TENT5B: variants seen among roughly 807,000 people sequenced by gnomAD.
TENT5B encodes terminal nucleotidyltransferase 5B.
Under a neutral mutation model 21.7 loss-of-function variants are expected in TENT5B, and 12 were observed. That is an observed-to-expected ratio of 0.55 (90% CI 0.36 to 0.90). TENT5B has a LOEUF of 0.90. Among genes scored for constraint, TENT5B ranks in the 40% least tolerant of loss-of-function variants. The probability of loss-of-function intolerance (pLI) is 0.01; values close to 1 mark genes in which losing one functional copy is unlikely to be tolerated. For synonymous variants in TENT5B, 262 were observed against 266.6 expected, an observed-to-expected ratio of 0.98 and a Z score of 0.17; for missense variants, 540 against 601.5, an observed-to-expected ratio of 0.90 and a Z score of 1.07.
rs960283231 is a variant in TENT5B at position 27,005,482 on chromosome 1, A to T, written c.*462T>A. 1.3e-5 allele frequency: 2 copies of T among 159,008 alleles called. No individual in the cohort carries two copies. Among genetic ancestry groups the T allele is most frequent in the Non-Finnish European group, 2.8e-5 (2 of 72,614 alleles). The allele number at this position is 159,008 out of a possible 1,614,324, so 9.8% of individuals were successfully genotyped here. On this transcript the variant is annotated 3_prime_UTR_variant, in exon 2 of 2. Transcript: ENST00000289166. ...GCCCTGTAGTGGCCCAGCCTGATCC[A>T]AAGTGACAAGTCCCTGTAACATACC... is the stretch of plus-strand genomic sequence containing the variant.
intron 1 of TENT5B, 112 bp from the exon 2 acceptor site, chr1:27,007,069 G>GT (rs1385766362): frequency 1.4e-5 from 6 of 425,658 alleles, no homozygotes; most frequent in Admixed American, 2.0e-4. Context: ...CTAACCAGCT[G>GT]TTATGCCTTT....
chr1:27,008,099 G>C (rs2082609145), intron 1 of TENT5B, among the ~76,000 whole-genome samples: 1 of 152,196 alleles, frequency 6.6e-6, no homozygotes, highest in South Asian at 2.1e-4. Context: ...TCAGCCTTCA[G>C]ACAGTCCCCA....
chr1:27,011,858 C>A (rs1047192174), intron 1 of TENT5B, among the ~76,000 whole-genome samples: 1 of 152,072 alleles, frequency 6.6e-6, no homozygotes, highest in African/African-American at 2.4e-5. Context: ...GGCCACAACC[C>A]CAGCTGAGAG....
Position 27,006,638 on chromosome 1 carries a change from T to C in TENT5B, c.584A>G (p.Lys195Arg). ...DRWSLISLSN[K>R]SGKNVELKFV... ...CTTGAGCTCCACGTTCTTGCCGCTC[T>C]TGTTGGACAGTGAGATGAGGCTCCA... The change falls in exon 2 of 2, where the codon AAG becomes AGG. Residue 195 changes from lysine to arginine, a missense_variant. Physicochemically the swap from Lys to Arg is conservative, Grantham distance 26. Coordinates refer to ENST00000289166, the MANE Select transcript of TENT5B (RefSeq NM_052943.4). The surrounding 1 kb of genome is among the most constrained non-coding windows in gnomAD (Gnocchi z 9.4). The C allele has an allele frequency of 6.2e-7, 1 of 1,614,180 alleles. No individual in the cohort carries two copies. Among genetic ancestry groups the C allele is most frequent in the South Asian group, 1.1e-5 (1 of 91,090 alleles).
Position 27,012,526 on chromosome 1 carries a change from G to C in TENT5B, c.145C>G (p.Leu49Val). 1 of 1,604,704 alleles carries C rather than the reference G, an allele frequency of 6.2e-7. No homozygotes were observed. Among genetic ancestry groups the C allele is most frequent in the Admixed American group, 1.7e-5 (1 of 59,712 alleles). Residue 49 changes from leucine to valine, a missense_variant, in exon 1 of 2, where the codon CTG becomes GTG. Transcript: ENST00000289166. ...EALSAFPGRH[L>V]SGLSWPQVKR... Reference sequence around the variant, plus strand: ...ACCTGTGGCCAGCTCAGCCCACTCAGGTGCCGTCCGGGGAAGGCCGATAAG... The same window carrying C: ...ACCTGTGGCCAGCTCAGCCCACTCACGTGCCGTCCGGGGAAGGCCGATAAG...
rs771194918 is a variant in TENT5B at position 27,006,191 on chromosome 1, A to G, written c.1031T>C (p.Val344Ala). Reference sequence around the variant, plus strand: ...CTCGTTGACCACCCGGTGCAGTGTCACCAGGCAGGCGTAACGGCGGGCTGC... The same window carrying G: ...CTCGTTGACCACCCGGTGCAGTGTCGCCAGGCAGGCGTAACGGCGGGCTGC... ...ADAARRYACLVTLHRVVNEST... is the reference protein window; with the variant it reads ...ADAARRYACLATLHRVVNEST... Residue 344 changes from valine to alanine, a missense_variant, in exon 2 of 2, where the codon GTG (valine) becomes GCG (alanine). Transcript: ENST00000289166. The surrounding 1 kb of genome is among the most constrained non-coding windows in gnomAD (Gnocchi z 9.4). 2 of 1,612,312 alleles carry G rather than the reference A, an allele frequency of 1.2e-6. No individual in the cohort carries two copies. Among genetic ancestry groups the G allele is most frequent in the Admixed American group, 3.3e-5 (2 of 59,888 alleles).
In TENT5B at chr1:27,006,514, G is replaced by C. The variant is rs757013958; in HGVS notation, c.708C>G (p.Pro236=). The change falls in exon 2 of 2, where the codon CCC becomes CCG. Residue 236 remains proline (P), a synonymous_variant. Transcript: ENST00000289166. The surrounding 1 kb of genome is among the most constrained non-coding windows in gnomAD (Gnocchi z 9.4). ...LLLFGQCSST[P]MSEAFHPTVT... The stretch of plus-strand genomic sequence containing the variant: ...CCGTTGGGTGGAAGGCCTCAGACAT[G>C]GGAGTGGACGAGCACTGGCCAAAGA... 6.2e-7 allele frequency: 1 copy of C among 1,614,108 alleles called. No homozygotes were observed. The highest frequency in any genetic ancestry group is 1.7e-5 in the Admixed American group (1 of 60,028).
chr1:27,006,596 C>T lies in TENT5B; in HGVS notation c.626G>A (p.Arg209Lys). The part of the protein sequence containing the change: ...NVELKFVDSV[R>K]RQFEFSIDSF... ...GTCTATGCTGAATTCAAACTGGCGT[C>T]TCACCGAGTCCACAAACTTGAGCTC... Residue 209 changes from arginine (R) to lysine (K), a missense_variant, in exon 2 of 2, where the codon AGA (arginine) becomes AAA (lysine). Transcript: ENST00000289166. The surrounding 1 kb of genome is among the most constrained non-coding windows in gnomAD (Gnocchi z 9.4). The T allele has an allele frequency of 6.2e-7, 1 of 1,614,158 alleles. No individual in the cohort carries two copies. Among genetic ancestry groups the T allele is most frequent in the Non-Finnish European group, 8.5e-7 (1 of 1,180,016 alleles).
chr1:27,012,764 G>C lies in TENT5B; in HGVS notation c.-94C>G. 1.5e-6 allele frequency: 2 copies of C among 1,347,048 alleles called. No individual in the cohort carries two copies. The highest frequency in any genetic ancestry group is 1.9e-6 in the Non-Finnish European group (2 of 1,047,276). 83.4% of individuals were successfully genotyped at this position (1,347,048 alleles called of 1,614,324 possible). On this transcript the variant is annotated 5_prime_UTR_variant, in exon 1 of 2. Coordinates refer to ENST00000289166, the MANE Select transcript of TENT5B (RefSeq NM_052943.4). Reference sequence around the variant, plus strand: ...GGCTGGGCAGGGGCCAAGGCGGGGGGCACGAAGGCAGGGACGGGGCGGCAA... The same window carrying C: ...GGCTGGGCAGGGGCCAAGGCGGGGGCCACGAAGGCAGGGACGGGGCGGCAA...
intron 1 of TENT5B, 25 bp downstream of exon 1, chr1:27,012,382 C>T: frequency 6.2e-7 from 1 of 1,603,612 alleles, no homozygotes; most frequent in African/African-American, 1.3e-5. Flanking sequence ...GATTCCCCCA[C>T]ATCCCCCGCC....
At chr1:27,007,397 T>C (rs796704117) in intron 1 of TENT5B, among the ~76,000 whole-genome samples, 113 of 150,868 alleles carry the variant, frequency 7.5e-4, no homozygotes, top group African/African-American at 2.7e-3. Context: ...TCCAAGTCTT[T>C]TTTTTTTTTT....
In TENT5B at chr1:27,006,012, T is replaced by C. The variant is rs1319121061; in HGVS notation, c.1210A>G (p.Asn404Asp). Residue 404 changes from asparagine (N) to aspartate (D), a missense_variant, in exon 2 of 2, where the codon AAT (asparagine) becomes GAT (aspartate). Physicochemically the swap from Asn to Asp is conservative, Grantham distance 23. Transcript: ENST00000289166. This position sits in a 1 kb window ranked among gnomAD's most constrained non-coding sequence, Gnocchi z 9.4. Reference protein sequence around the residue: ...GTDGVVPATVNYYVTPVQPLL... With the variant: ...GTDGVVPATVDYYVTPVQPLL... Reference sequence around the variant, plus strand: ...GGTTGCACGGGGGTCACGTAGTAATTGACAGTGGCTGGCACAACCCCGTCA... The same window carrying C: ...GGTTGCACGGGGGTCACGTAGTAATCGACAGTGGCTGGCACAACCCCGTCA... 1 of 1,608,136 alleles carries C rather than the reference T, an allele frequency of 6.2e-7. No homozygotes were observed. Among genetic ancestry groups the C allele is most frequent in the African/African-American group, 1.3e-5 (1 of 74,860 alleles).
rs559699502 is a variant in TENT5B at position 27,012,739 on chromosome 1, G to T, written c.-69C>A. The T allele has an allele frequency of 3.0e-3, 4,258 of 1,398,288 alleles. 12 individuals are homozygous for T. Among genetic ancestry groups the T allele is most frequent in the Non-Finnish European group, 3.2e-3 (3,421 of 1,085,678 alleles). The allele number at this position is 1,398,288 out of a possible 1,614,324, so 86.6% of individuals were successfully genotyped here. A position where few individuals can be genotyped will look rare whatever the true frequency, so the allele number is the denominator to read the frequency against. ...TTAAGGGGAGGAGGACAGGGAGAGC[G>T]GCTGGGCAGGGGCCAAGGCGGGGGG... is the stretch of plus-strand genomic sequence containing the variant. On this transcript the variant is annotated 5_prime_UTR_variant, in exon 1 of 2. Transcript: ENST00000289166.
chr1:27,006,398 C>G lies in TENT5B; in HGVS notation c.824G>C (p.Arg275Pro). Residue 275 changes from arginine (R) to proline (P), a missense_variant, in exon 2 of 2, where the codon CGA (arginine) becomes CCA (proline). Physicochemically the swap from Arg to Pro is moderately radical, Grantham distance 103. Transcript: ENST00000289166. This position sits in a 1 kb window ranked among gnomAD's most constrained non-coding sequence, Gnocchi z 9.4. Reference protein sequence around the residue: ...VIATRSPEEIRGGGLLKYCHL... With the variant: ...VIATRSPEEIPGGGLLKYCHL... ...GCAGTACTTGAGGAGGCCACCACCTCGGATCTCCTCGGGACTGCGCGTGGC... is the reference window on the plus strand; with the variant it reads ...GCAGTACTTGAGGAGGCCACCACCTGGGATCTCCTCGGGACTGCGCGTGGC... 1 of 1,613,022 alleles carries G rather than the reference C, an allele frequency of 6.2e-7. No homozygotes were observed. The highest frequency in any genetic ancestry group is 8.5e-7 in the Non-Finnish European group (1 of 1,179,684).
intron 1 of TENT5B, 144 bp from the exon 2 acceptor site, chr1:27,007,101 T>G (rs1034639417): frequency 5.5e-6 from 1 of 183,116 alleles, no homozygotes. Flanking sequence ...TAACTTTTTT[T>G]TTTATTGGGT....
intron 1 of TENT5B, 55 bp downstream of exon 1, chr1:27,012,352 G>A: frequency 1.3e-6 from 2 of 1,574,006 alleles, no homozygotes; most frequent in Non-Finnish European, 1.7e-6. Flanking sequence ...ATGCCTTCCA[G>A]CCACGAGAGC....
Position 27,006,378 on chromosome 1 carries a change from A to C in TENT5B, c.844T>G (p.Tyr282Asp). 6.2e-7 allele frequency: 1 copy of C among 1,612,476 alleles called. No individual in the cohort carries two copies. Among genetic ancestry groups the C allele is most frequent in the South Asian group, 1.1e-5 (1 of 91,014 alleles). The change falls in exon 2 of 2, where the codon TAC becomes GAC. Residue 282 changes from tyrosine to aspartate, a missense_variant. Tyr to Asp is a radical substitution (Grantham distance 160, BLOSUM62 -3). Coordinates refer to ENST00000289166, the MANE Select transcript of TENT5B (RefSeq NM_052943.4). The surrounding 1 kb of genome is among the most constrained non-coding windows in gnomAD (Gnocchi z 9.4). Reference protein sequence around the residue: ...EEIRGGGLLKYCHLLVRGFRP... With the variant: ...EEIRGGGLLKDCHLLVRGFRP... Reference sequence around the variant, plus strand: ...AAGCCCCGCACCAGGAGGTGGCAGTACTTGAGGAGGCCACCACCTCGGATC... The same window carrying C: ...AAGCCCCGCACCAGGAGGTGGCAGTCCTTGAGGAGGCCACCACCTCGGATC...
At chr1:27,009,410 G>A (rs908518381) in intron 1 of TENT5B, among the ~76,000 whole-genome samples, 6 of 152,198 alleles carry the variant, frequency 3.9e-5, no homozygotes, top group Non-Finnish European at 8.8e-5. Flanking sequence ...GGGTTCAGAA[G>A]GAGCAGACTA....
Position 27,006,628 on chromosome 1 carries a change from C to T in TENT5B, c.594G>A (p.Lys198=). Residue 198 remains lysine (K), a synonymous_variant, in exon 2 of 2, where the codon AAG becomes AAA. Transcript: ENST00000289166. The surrounding 1 kb of genome is among the most constrained non-coding windows in gnomAD (Gnocchi z 9.4). ...AGTCCACAAACTTGAGCTCCACGTT[C>T]TTGCCGCTCTTGTTGGACAGTGAGA... ...SLISLSNKSG[K]NVELKFVDSV... is the part of the protein sequence containing the mutation. 6.2e-7 allele frequency: 1 copy of T among 1,614,216 alleles called. No individual in the cohort carries two copies. The highest frequency in any genetic ancestry group is 8.5e-7 in the Non-Finnish European group (1 of 1,180,044).
Sources: allele counts gnomAD v4.1 joint callset (sites outside exome capture counted in the v4.1 genomes callset), GRCh38; gene constraint gnomAD v4.1.1; non-coding constraint Gnocchi (gnomAD v3.1); transcripts MANE v1.5; gene names NCBI Gene and HGNC (gene_info 2026-07-23, HGNC 2026-07-21).